Variants in BRAF observed in about 807,000 individuals in gnomAD.
BRAF encodes serine/threonine-protein kinase B-raf.
Under a neutral mutation model 104.6 loss-of-function variants are expected in BRAF, and 16 were observed. That is an observed-to-expected ratio of 0.15 (90% CI 0.10 to 0.23). BRAF has a LOEUF of 0.23. BRAF is among the 10% of genes least tolerant of loss of function. BRAF has a pLI of 1.00. For synonymous variants in BRAF, 310 were observed against 341.6 expected, an observed-to-expected ratio of 0.91 and a Z score of 1.02; for missense variants, 541 against 937.3, an observed-to-expected ratio of 0.58 and a Z score of 5.52.
Position 140,722,909 on chromosome 7 carries a change from A to AT in BRAF, c.*3584dup, listed in dbSNP as rs1247203569. 1.1e-5 allele frequency: 12 copies of AT among 1,055,576 alleles called. No homozygotes were observed. Among genetic ancestry groups the AT allele is most frequent in the Middle Eastern group, 4.2e-4 (1 of 2,358 alleles). 65.4% of individuals were successfully genotyped at this position (1,055,576 alleles called of 1,614,324 possible). On this transcript the variant is annotated 3_prime_UTR_variant, in exon 20 of 20. Transcript: ENST00000644969. ...AACATTCAGATATTCCGAGCAACAC[A>AT]TTTTTTTACAGTATTACTGCTTAAA...
At chr7:140,830,356 T>G (rs1407967987) in intron 3 of BRAF, among the ~76,000 whole-genome samples, 1 of 152,192 alleles carries the variant, frequency 6.6e-6, no homozygotes, top group African/African-American at 2.4e-5. Flanking sequence ...ATATTGTGGT[T>G]TATAATAATA....
At chr7:140,717,885 G>T (rs943866255), downstream of BRAF, among the ~76,000 whole-genome samples, 1 of 152,100 alleles carries the variant, frequency 6.6e-6, no homozygotes, top group African/African-American at 2.4e-5. Context: ...ATTAAGTCTT[G>T]ACATTTATTT....
In BRAF at chr7:140,781,669, T is replaced by C. The variant is rs1341682230; in HGVS notation, c.1459A>G (p.Ser487Gly). ...CCATCAGGAATCTCCCAATCATCACTCGAGTCCCGTCTACCAAGTGTTTTC... is the reference window on the plus strand; with the variant it reads ...CCATCAGGAATCTCCCAATCATCACCCGAGTCCCGTCTACCAAGTGTTTTC... The part of the protein sequence containing the change: ...RMKTLGRRDS[S>G]DDWEIPDGQI... The change falls in exon 12 of 20, where the codon AGT (serine) becomes GGT (glycine). Residue 487 changes from serine to glycine, a missense_variant. Ser to Gly is a moderately conservative substitution (Grantham distance 56). Around this residue, in one of 10 missense-constraint regions of BRAF, gnomAD observed 109 missense variants for 143.9 expected, o/e 0.76. Coordinates refer to ENST00000644969, the MANE Select transcript of BRAF (RefSeq NM_001374258.1). 6.2e-7 allele frequency: 1 copy of C among 1,613,958 alleles called. No individual in the cohort carries two copies. Among genetic ancestry groups the C allele is most frequent in the East Asian group, 2.2e-5 (1 of 44,856 alleles).
At position 140,723,647 on chromosome 7, in the gene BRAF, C is replaced by A. The variant is rs1277232218; in HGVS notation, c.*2847G>T. ...TGAAAAAAGTCCATCAGGAATACTACACAGTTACAAACAATCCTCTGTAGT... is the reference window on the plus strand; with the variant it reads ...TGAAAAAAGTCCATCAGGAATACTAAACAGTTACAAACAATCCTCTGTAGT... On this transcript the variant is annotated 3_prime_UTR_variant, in exon 20 of 20. Transcript: ENST00000644969. 2.2e-5 allele frequency: 23 copies of A among 1,050,562 alleles called. No individual in the cohort carries two copies. Among genetic ancestry groups the A allele is most frequent in the Non-Finnish European group, 2.4e-5 (21 of 870,048 alleles). 65.1% of individuals were successfully genotyped at this position (1,050,562 alleles called of 1,614,324 possible).
Position 140,753,244 on chromosome 7 carries a change from TA to T in BRAF, c.1980+30del, listed in dbSNP as rs72558340. ...CAGCAGCATCTCAGGGCCAAAAATT[TA>T]ATCAGTGGAAAAATAGCCTCAATTC... is the stretch of plus-strand genomic sequence containing the variant. On this transcript the variant is annotated intron_variant, in intron 16 of 19. Transcript: ENST00000644969. The T allele has an allele frequency of 4.5e-6, 7 of 1,544,778 alleles. No individual in the cohort carries two copies. The Admixed American group carries it at 1.2e-4, about 26-fold the overall frequency.
At chr7:140,852,135 G>A (rs1424309340) in intron 1 of BRAF, among the ~76,000 whole-genome samples, 1 of 152,064 alleles carries the variant, frequency 6.6e-6, no homozygotes, top group Non-Finnish European at 1.5e-5. Flanking sequence ...CTGGGAGGCC[G>A]AGGCAGGTGG....
rs1235852296 is a variant in BRAF at position 140,793,705 on chromosome 7, A to C, written c.1140+603T>G. 2.0e-5 allele frequency among the ~76,000 whole-genome samples: 3 copies of C among 152,146 alleles called. No individual in the cohort carries two copies. The South Asian group carries it at 6.2e-4, about 32-fold the overall frequency. On this transcript the variant is annotated intron_variant, in intron 8 of 19. Coordinates refer to ENST00000644969, the MANE Select transcript of BRAF (RefSeq NM_001374258.1). ...CAGTGGTGCAAACATAGCTCACTGC[A>C]GCCTTGACCTCCTGGGCTCAAGCAA...
chr7:140,921,300 A>G (rs1306379300), intron 1 of BRAF, among the ~76,000 whole-genome samples: 1 of 152,204 alleles, frequency 6.6e-6, no homozygotes, highest in African/African-American at 2.4e-5. Flanking sequence ...TCAGATGTTA[A>G]TGTTTAATGC....
chr7:140,915,305 T>C, intron 1 of BRAF, among the ~76,000 whole-genome samples: 1 of 152,150 alleles, frequency 6.6e-6, no homozygotes, highest in Non-Finnish European at 1.5e-5. Context: ...AACATTTTAT[T>C]TCAATTAAGC....
intron 3 of BRAF, among the ~76,000 whole-genome samples, chr7:140,827,639 G>T (rs1162780815): frequency 1.3e-5 from 2 of 152,148 alleles, no homozygotes; most frequent in African/African-American, 4.8e-5. Context: ...TGTGACACAG[G>T]CTGAAGGCCC....
In BRAF at chr7:140,857,242, G is replaced by A. The variant is rs146171316; in HGVS notation, c.139-7030C>T. On this transcript the variant is annotated intron_variant, in intron 1 of 19. Coordinates refer to ENST00000644969, the MANE Select transcript of BRAF (RefSeq NM_001374258.1). The stretch of plus-strand genomic sequence containing the variant: ...GAGAAAGATCTGAAGATGCTACACT[G>A]CTGACCTTGAAGATGGAGGAGGTGG... Among the ~76,000 whole-genome samples the A allele has an allele frequency of 3.7e-3, 557 of 152,336 alleles. 6 individuals are homozygous for A. The highest frequency in any genetic ancestry group is 0.013 in the African/African-American group (528 of 41,572).
intron 14 of BRAF, among the ~76,000 whole-genome samples, chr7:140,775,942 A>T (rs1348698493): frequency 1.3e-5 from 2 of 152,208 alleles, no homozygotes; most frequent in Non-Finnish European, 1.5e-5. Flanking sequence ...TGTAGGTGTT[A>T]GTACATATAT....
chr7:140,894,839 T>C (rs1814696032), intron 1 of BRAF, among the ~76,000 whole-genome samples: 1 of 152,118 alleles, frequency 6.6e-6, no homozygotes, highest in Non-Finnish European at 1.5e-5. Flanking sequence ...ATGCTGTATA[T>C]AACATCCACA....
At chr7:140,727,916 C>T (rs557410666) in intron 19 of BRAF, among the ~76,000 whole-genome samples, 6 of 152,284 alleles carry the variant, frequency 3.9e-5, no homozygotes, top group South Asian at 2.1e-4. Context: ...CCACCATGCC[C>T]GGCCAGCCAT....
intron 17 of BRAF, chr7:140,747,467 A>G (rs1487456093): frequency 2.5e-6 from 3 of 1,223,502 alleles, no homozygotes. Context: ...CAAGAAGTGG[A>G]TGAGAGAAGA....
intron 3 of BRAF, among the ~76,000 whole-genome samples, chr7:140,815,025 C>G (rs1562973464): frequency 6.6e-6 from 1 of 151,616 alleles, no homozygotes; most frequent in African/African-American, 2.4e-5. Flanking sequence ...TAAACTGGCA[C>G]AGAATATACA....
intron 1 of BRAF, among the ~76,000 whole-genome samples, chr7:140,864,524 G>A (rs1452068993): frequency 6.6e-6 from 1 of 152,116 alleles, no homozygotes; most frequent in Non-Finnish European, 1.5e-5. Context: ...ATACTGGGAG[G>A]CAGACCTACA....
chr7:140,857,226 C>A (rs1035561891), intron 1 of BRAF, among the ~76,000 whole-genome samples: 1 of 152,184 alleles, frequency 6.6e-6, no homozygotes, highest in Non-Finnish European at 1.5e-5. Flanking sequence ...AGAGAAAGAT[C>A]TGAAGATGCT....
Position 140,720,039 on chromosome 7 carries a change from AG to A in BRAF, c.*6454del. The A allele has an allele frequency of 9.4e-6, 10 of 1,061,488 alleles. No individual in the cohort carries two copies. Among genetic ancestry groups the A allele is most frequent in the Non-Finnish European group, 1.1e-5 (10 of 876,876 alleles). 65.8% of individuals were successfully genotyped at this position (1,061,488 alleles called of 1,614,324 possible). Reference sequence around the variant, plus strand: ...TCCTCAAACCAAGGAATACATGAAAAGGGGGGATTTCCTTTTTCTTGGTCTA... The same window carrying A: ...TCCTCAAACCAAGGAATACATGAAAAGGGGGATTTCCTTTTTCTTGGTCTA... On this transcript the variant is annotated 3_prime_UTR_variant, in exon 20 of 20. Coordinates refer to ENST00000644969, the MANE Select transcript of BRAF (RefSeq NM_001374258.1).
Sources: allele counts gnomAD v4.1 joint callset (sites outside exome capture counted in the v4.1 genomes callset), GRCh38; gene constraint gnomAD v4.1.1; regional missense constraint gnomAD v4.1.1; transcripts MANE v1.5; gene names NCBI Gene and HGNC (gene_info 2026-07-23, HGNC 2026-07-21).